CNTNAP5: variants seen among roughly 807,000 people sequenced by gnomAD.
CNTNAP5 encodes contactin associated protein family member 5, also known as contactin-associated protein-like 5.
In CNTNAP5, 72 loss-of-function variants were observed where a neutral mutation model predicts 150.2. That is an observed-to-expected ratio of 0.48 (90% CI 0.40 to 0.58). CNTNAP5 has a LOEUF of 0.58. Among genes scored for constraint, CNTNAP5 ranks in the 20% least tolerant of loss-of-function variants. The pLI, the probability that CNTNAP5 is intolerant of heterozygous loss-of-function variation, is 0.00. For synonymous variants in CNTNAP5, 672 were observed against 619.8 expected (o/e 1.08, Z -1.25); for missense variants, 1,636 against 1,626.2 (o/e 1.01, Z -0.10).
At chr2:124,763,120 G>A (rs1345516766) in intron 14 of CNTNAP5, among the ~76,000 whole-genome samples, 1 of 151,916 alleles carries the variant, frequency 6.6e-6, no homozygotes, top group African/African-American at 2.4e-5. Context: ...CAAAAACAAA[G>A]CCAGAGTCAC....
intron 16 of CNTNAP5, among the ~76,000 whole-genome samples, chr2:124,772,158 T>C (rs1573606830): frequency 6.6e-6 from 1 of 152,112 alleles, no homozygotes; most frequent in East Asian, 1.9e-4. Flanking sequence ...TTCACCATCA[T>C]CAGTATGCTT....
chr2:124,862,482 G>A (rs1427704430), intron 19 of CNTNAP5, among the ~76,000 whole-genome samples: 2 of 152,148 alleles, frequency 1.3e-5, no homozygotes, highest in East Asian at 1.9e-4. Context: ...CTCCAGGGAG[G>A]AAATGGAAGC....
At position 124,780,624 on chromosome 2, in the gene CNTNAP5, C is replaced by T. The variant is rs986235289; in HGVS notation, c.2752+7607C>T. Reference sequence around the variant, plus strand: ...TTGTTATTGGTAAATTACATTCTCACTGCTATTATTTTCCCCCTGATCTGT... The same window carrying T: ...TTGTTATTGGTAAATTACATTCTCATTGCTATTATTTTCCCCCTGATCTGT... On this transcript the variant is annotated intron_variant, in intron 17 of 23. Coordinates refer to ENST00000682447, the MANE Select transcript of CNTNAP5 (RefSeq NM_001367498.1). Among the ~76,000 whole-genome samples the T allele has an allele frequency of 2.0e-5, 3 of 152,218 alleles. No individual in the cohort carries two copies. In the East Asian group the frequency reaches 5.8e-4, roughly 29 times the overall value.
intron 1 of CNTNAP5, among the ~76,000 whole-genome samples, chr2:124,172,775 C>G (rs1573810131): frequency 1.7e-5 from 1 of 57,148 alleles, no homozygotes. Flanking sequence ...CTCTCTCTCT[C>G]TCTCTGTGTG....
intron 22 of CNTNAP5, among the ~76,000 whole-genome samples, chr2:124,904,796 C>T (rs367824440): frequency 2.5e-4 from 38 of 151,838 alleles, no homozygotes; most frequent in African/African-American, 8.9e-4. Flanking sequence ...AAGGACAGAT[C>T]TCCTTAATAT....
At chr2:124,786,352 G>GAAGAAAGAAAGAAAGA (rs1207108942) in intron 17 of CNTNAP5, among the ~76,000 whole-genome samples, 50 of 59,196 alleles carry the variant, frequency 8.4e-4, no homozygotes, top group East Asian at 2.3e-3. Flanking sequence ...AGAAAGAAAG[G>GAAGAAAGAAAGAAAGA]AAGAAAGAAA....
At chr2:124,071,129 AT>A (rs1406542423) in intron 1 of CNTNAP5, among the ~76,000 whole-genome samples, 2 of 151,954 alleles carry the variant, frequency 1.3e-5, no homozygotes, top group African/African-American at 4.8e-5. Flanking sequence ...GCAATTGAAA[AT>A]TTTTTTGAAG....
At position 124,593,241 on chromosome 2, in the gene CNTNAP5, C is replaced by T. The variant is rs1290628271; in HGVS notation, c.1757-16560C>T. ...TGCTGGTGCGCTGCACCCACTAACT[C>T]GTCATCTAGCATTAGGTATATCTCC... On this transcript the variant is annotated intron_variant, in intron 11 of 23. Transcript: ENST00000682447. Among the ~76,000 whole-genome samples the T allele has an allele frequency of 1.7e-3, 238 of 142,856 alleles. 1 individual carries two copies. Among genetic ancestry groups the T allele is most frequent in the African/African-American group, 5.8e-3 (226 of 38,936 alleles). The allele number at this position is 142,856 out of a possible 152,430, so 93.7% of individuals were successfully genotyped here. A position where few individuals can be genotyped will look rare whatever the true frequency, so the allele number is the denominator to read the frequency against.
chr2:124,246,794 A>T (rs1418373544), intron 3 of CNTNAP5, among the ~76,000 whole-genome samples: 1 of 152,078 alleles, frequency 6.6e-6, no homozygotes, highest in Non-Finnish European at 1.5e-5. Context: ...TTCATCACAT[A>T]GCTCATGTCA....
At chr2:124,418,507 GAAA>G (rs1223658667) in intron 4 of CNTNAP5, among the ~76,000 whole-genome samples, 1 of 152,132 alleles carries the variant, frequency 6.6e-6, no homozygotes, top group East Asian at 1.9e-4. Flanking sequence ...TATAATTTCT[GAAA>G]ATGGAAATCC....
chr2:124,270,271 T>C (rs1040043481), intron 3 of CNTNAP5, among the ~76,000 whole-genome samples: 3 of 151,674 alleles, frequency 2.0e-5, no homozygotes, highest in African/African-American at 7.3e-5. Flanking sequence ...ATTGCACCAC[T>C]ACACTCCAGC....
chr2:124,246,050 C>T (rs1258811398), intron 3 of CNTNAP5, among the ~76,000 whole-genome samples: 1 of 152,002 alleles, frequency 6.6e-6, no homozygotes, highest in Non-Finnish European at 1.5e-5. Context: ...AGCAGAGAAG[C>T]TCTTGAATGC....
intron 12 of CNTNAP5, among the ~76,000 whole-genome samples, chr2:124,629,046 C>T (rs1171296461): frequency 6.6e-6 from 1 of 152,112 alleles, no homozygotes; most frequent in Non-Finnish European, 1.5e-5. Context: ...ACAGGAACAC[C>T]TAGATTTATA....
At chr2:124,780,755 T>G (rs188108288) in intron 17 of CNTNAP5, among the ~76,000 whole-genome samples, 13 of 152,306 alleles carry the variant, frequency 8.5e-5, no homozygotes, top group Admixed American at 8.5e-4. Context: ...TACTTGTGAT[T>G]TAAGCATACC....
At chr2:124,543,781 C>G (rs1243532575) in intron 10 of CNTNAP5, among the ~76,000 whole-genome samples, 1 of 152,102 alleles carries the variant, frequency 6.6e-6, no homozygotes, top group Admixed American at 6.6e-5. Context: ...TAGAGAGTTG[C>G]TTCCAACTTT....
chr2:124,249,930 T>C (rs1378609274), intron 3 of CNTNAP5, among the ~76,000 whole-genome samples: 1 of 152,012 alleles, frequency 6.6e-6, no homozygotes, highest in Non-Finnish European at 1.5e-5. Flanking sequence ...TCCTTATTTA[T>C]TTAATGTTTA....
chr2:124,515,942 C>G (rs1384043212), intron 8 of CNTNAP5, among the ~76,000 whole-genome samples: 1 of 152,084 alleles, frequency 6.6e-6, no homozygotes, highest in Non-Finnish European at 1.5e-5. Context: ...GCTGTGAGGT[C>G]CATGATAACC....
rs561867692 is a variant in CNTNAP5 at position 124,309,937 on chromosome 2, G to A, written c.381+67544G>A. ...CAGTGTCTTGCCTGTACTAGGCATC[G>A]GGAATATTTGTTGGGTTAATCAGCA... On this transcript the variant is annotated intron_variant, in intron 3 of 23. Coordinates refer to ENST00000682447, the MANE Select transcript of CNTNAP5 (RefSeq NM_001367498.1). 7.0e-4 allele frequency among the ~76,000 whole-genome samples: 106 copies of A among 152,262 alleles called. 1 individual carries two copies. The highest frequency in any genetic ancestry group is 1.9e-4 in the Non-Finnish European group (13 of 68,022).
At chr2:124,259,287 T>G (rs1687393583) in intron 3 of CNTNAP5, among the ~76,000 whole-genome samples, 1 of 152,116 alleles carries the variant, frequency 6.6e-6, no homozygotes, top group African/African-American at 2.4e-5. Flanking sequence ...TTCCAAGTCT[T>G]TGCTATTGTG....
Sources: gnomAD v4.1 joint callset for allele counts (sites outside exome capture counted in the v4.1 genomes callset) on GRCh38, gnomAD v4.1.1 for gene constraint, MANE v1.5 for transcripts, NCBI Gene and HGNC (gene_info 2026-07-23, HGNC 2026-07-21) for gene names.